The following CPPED1 variants were observed in gnomAD, a reference collection of about 807,000 sequenced individuals.
CPPED1 encodes the protein serine/threonine-protein phosphatase CPPED1.
Under a neutral mutation model 28.0 loss-of-function variants are expected in CPPED1, and 28 were observed. The ratio of observed to expected loss-of-function variants is 1.00; its 90% confidence interval spans 0.74 to 1.37. CPPED1 has a LOEUF of 1.37. Among genes scored for constraint, CPPED1 ranks in the 40% most tolerant of loss-of-function variants. The probability of loss-of-function intolerance (pLI) is 0.00; values close to 1 mark genes in which losing one functional copy is unlikely to be tolerated. For synonymous variants in CPPED1, 198 were observed against 180.2 expected, an observed-to-expected ratio of 1.10 and a Z score of -0.79; for missense variants, 504 against 416.5, an observed-to-expected ratio of 1.21 and a Z score of -1.83.
chr16:12,711,409 T>A (rs2080079142), intron 2 of CPPED1, among the ~76,000 whole-genome samples: 1 of 152,106 alleles, frequency 6.6e-6, no homozygotes, highest in African/African-American at 2.4e-5. Context: ...AGACAGATGG[T>A]GATGATGGTT....
intron 2 of CPPED1, among the ~76,000 whole-genome samples, chr16:12,718,141 A>T (rs902858711): frequency 6.6e-6 from 1 of 152,192 alleles, no homozygotes; most frequent in Non-Finnish European, 1.5e-5. Context: ...ATGAATTTCA[A>T]TGTTGAGATA....
intron 3 of CPPED1, among the ~76,000 whole-genome samples, chr16:12,675,401 G>A (rs1374265036): frequency 6.6e-6 from 1 of 152,216 alleles, no homozygotes; most frequent in Non-Finnish European, 1.5e-5. Flanking sequence ...GATGATTTCT[G>A]TGGCATTAGC....
chr16:12,752,394 T>G (rs10852357), intron 2 of CPPED1, among the ~76,000 whole-genome samples: 113,766 of 151,694 alleles, frequency 0.75, 43,151 homozygotes, highest in Admixed American at 0.85. Context: ...ACACGAAATA[T>G]GGAAGCTTTG....
chr16:12,736,541 G>C (rs2080227755), intron 2 of CPPED1, among the ~76,000 whole-genome samples: 1 of 152,024 alleles, frequency 6.6e-6, no homozygotes, highest in Non-Finnish European at 1.5e-5. Context: ...ACCTGGCCTG[G>C]ATTTTGGCTT....
rs577033436 is a variant in CPPED1 at position 12,744,515 on chromosome 16, T to C, written c.289+36670A>G. ...GTACTTGAGACATGGACTAGCAGGC[T>C]ACGGCAGCCAGTGACCCGTAAGAGA... On this transcript the variant is annotated intron_variant, in intron 2 of 3. Transcript: ENST00000381774. Among the ~76,000 whole-genome samples, 161 of 152,292 alleles carry C rather than the reference T, an allele frequency of 1.1e-3. 4 individuals are homozygous for C. Among genetic ancestry groups the C allele is most frequent in the South Asian group, 1.5e-3 (7 of 4,814 alleles).
chr16:12,691,246 T>C (rs1255846962), intron 3 of CPPED1, among the ~76,000 whole-genome samples: 1 of 152,220 alleles, frequency 6.6e-6, no homozygotes, highest in Non-Finnish European at 1.5e-5. Flanking sequence ...AAGCAGTCAT[T>C]ATTACTATTT....
chr16:12,797,362 G>C (rs2080633676), intron 1 of CPPED1, among the ~76,000 whole-genome samples: 1 of 152,176 alleles, frequency 6.6e-6, no homozygotes, highest in South Asian at 2.1e-4. Flanking sequence ...ACTAACCTGA[G>C]TGACACAGCG....
chr16:12,664,542 G>T lies in CPPED1; in HGVS notation c.*344C>A. 2.1e-5 allele frequency: 23 copies of T among 1,084,478 alleles called. No homozygotes were observed. The highest frequency in any genetic ancestry group is 2.6e-5 in the Non-Finnish European group (23 of 893,482). 67.2% of individuals were successfully genotyped at this position (1,084,478 alleles called of 1,614,324 possible). A position where few individuals can be genotyped will look rare whatever the true frequency, so the allele number is the denominator to read the frequency against. On this transcript the variant is annotated 3_prime_UTR_variant, in exon 4 of 4. Transcript: ENST00000381774. This position sits in a 1 kb window ranked among gnomAD's most constrained non-coding sequence, Gnocchi z 4.2. ...TGGCTGTCAGATTGGAATTGAGGTCGATAGGCAGACTTTGACCATATGCTA... is the reference window on the plus strand; with the variant it reads ...TGGCTGTCAGATTGGAATTGAGGTCTATAGGCAGACTTTGACCATATGCTA...
At chr16:12,718,687 G>C (rs185897250) in intron 2 of CPPED1, among the ~76,000 whole-genome samples, 1 of 152,244 alleles carries the variant, frequency 6.6e-6, no homozygotes, top group East Asian at 1.9e-4. Flanking sequence ...ATTCAGCTGG[G>C]AGCGGTGGCT....
chr16:12,802,532 C>T (rs1253989651), intron 1 of CPPED1, among the ~76,000 whole-genome samples: 2 of 152,136 alleles, frequency 1.3e-5, no homozygotes, highest in African/African-American at 4.8e-5. Flanking sequence ...ACCCGGGAGG[C>T]GGAGGTTACA....
At chr16:12,773,823 C>A (rs1275426267) in intron 2 of CPPED1, among the ~76,000 whole-genome samples, 1 of 152,216 alleles carries the variant, frequency 6.6e-6, no homozygotes, top group Non-Finnish European at 1.5e-5. Context: ...GGCATCACCG[C>A]GATTCCTGAC....
intron 2 of CPPED1, among the ~76,000 whole-genome samples, chr16:12,726,235 T>C (rs1313710051): frequency 6.6e-6 from 1 of 151,364 alleles, no homozygotes; most frequent in Non-Finnish European, 1.5e-5. Context: ...AGAGATGGGG[T>C]ATCACTGTGT....
chr16:12,799,266 G>A (rs1473908761), intron 1 of CPPED1, among the ~76,000 whole-genome samples: 5 of 136,962 alleles, frequency 3.7e-5, no homozygotes, highest in South Asian at 2.4e-4. Context: ...TTTTTTTTGA[G>A]ACACAGTCAT....
At chr16:12,755,938 T>G (rs1282824279) in intron 2 of CPPED1, among the ~76,000 whole-genome samples, 1 of 152,124 alleles carries the variant, frequency 6.6e-6, no homozygotes, top group Non-Finnish European at 1.5e-5. Context: ...ATGACCATCC[T>G]GGCTAACACG....
At chr16:12,774,087 C>T (rs1469855527) in intron 2 of CPPED1, among the ~76,000 whole-genome samples, 4 of 152,132 alleles carry the variant, frequency 2.6e-5, no homozygotes, top group Non-Finnish European at 4.4e-5. Flanking sequence ...TTTATTTTTT[C>T]AGGTGAGAAG....
At chr16:12,791,372 G>A (rs1174346410) in intron 1 of CPPED1, among the ~76,000 whole-genome samples, 2 of 152,050 alleles carry the variant, frequency 1.3e-5, no homozygotes, top group East Asian at 3.9e-4. Flanking sequence ...AGCTTCATCT[G>A]TGTCCCTGCA....
At chr16:12,780,474 C>T (rs545983782) in intron 2 of CPPED1, among the ~76,000 whole-genome samples, 1 of 152,140 alleles carries the variant, frequency 6.6e-6, no homozygotes, top group East Asian at 1.9e-4. Flanking sequence ...CTGCACCCGG[C>T]CAGCCTGGGA....
At chr16:12,713,361 C>T (rs1402400929) in intron 2 of CPPED1, among the ~76,000 whole-genome samples, 5 of 151,946 alleles carry the variant, frequency 3.3e-5, no homozygotes, top group Admixed American at 1.3e-4. Flanking sequence ...CTAGTTTCTT[C>T]TTTTTTATTT....
chr16:12,695,945 G>C (rs949823743), intron 3 of CPPED1, among the ~76,000 whole-genome samples: 8 of 152,194 alleles, frequency 5.3e-5, no homozygotes, highest in African/African-American at 1.9e-4. Context: ...AATAAACAAA[G>C]GATCAAATTT....
Sources: gnomAD v4.1 joint callset for allele counts (sites outside exome capture counted in the v4.1 genomes callset) on GRCh38, gnomAD v4.1.1 for gene constraint, Gnocchi (gnomAD v3.1) non-coding constraint, MANE v1.5 for transcripts, NCBI Gene and HGNC (gene_info 2026-07-23, HGNC 2026-07-21) for gene names.